The following XKR5 variants were observed in gnomAD, a reference collection of about 807,000 sequenced individuals.
The protein encoded by XKR5 is XK-related protein 5.
Under a neutral mutation model 40.8 loss-of-function variants are expected in XKR5, and 46 were observed. The ratio of observed to expected loss-of-function variants is 1.13; its 90% CI spans 0.89 to 1.44. XKR5 has a LOEUF of 1.44. XKR5 is among the 40% of genes most tolerant of loss of function. The pLI is 0.00. For missense variants in XKR5, 1,169 were observed against 844.7 expected (o/e 1.38, Z -4.76); for synonymous variants, 466 against 356.1 (o/e 1.31, Z -3.48).
Position 6,811,891 on chromosome 8 carries a change from T to C in XKR5, c.1368A>G (p.Pro456=). ...RKALSAQQEL[P]SSSRDPSTLE... ...AGGTTGAGGGGTCACGGGATGAGGA[T>C]GGGAGCTCTTGCTGGGCAGACAAGG... Residue 456 remains proline (P), a synonymous_variant, in exon 7 of 7, where the codon CCA becomes CCG. Transcript: ENST00000618742. The C allele has an allele frequency of 6.5e-7, 1 of 1,537,450 alleles. No homozygotes were observed.
intron 5 of XKR5, among the ~76,000 whole-genome samples, chr8:6,819,885 T>C (rs1264269123): frequency 3.4e-5 from 5 of 145,274 alleles, no homozygotes; most frequent in South Asian, 2.5e-4. Context: ...CCTTCCTTCC[T>C]TCCTTCCTCC....
intron 2 of XKR5, 37 bp from the exon 3 acceptor site, chr8:6,825,386 G>T (rs753763396): frequency 2.0e-6 from 3 of 1,479,204 alleles, no homozygotes; most frequent in Non-Finnish European, 2.7e-6. Context: ...ACGGAGCCAG[G>T]CTGTGGCGAG....
At chr8:6,815,744 A>C (rs1803924275) in intron 6 of XKR5, 63 bp downstream of exon 6, 5 of 1,215,632 alleles carry the variant, frequency 4.1e-6, no homozygotes, top group Middle Eastern at 1.9e-4. Flanking sequence ...CTTTGAGCCC[A>C]TTGTAAAAAA....
chr8:6,816,418 C>T (rs1409318927), intron 5 of XKR5, among the ~76,000 whole-genome samples: 4 of 151,964 alleles, frequency 2.6e-5, no homozygotes, highest in Non-Finnish European at 4.4e-5. Flanking sequence ...AGGTGGCAGC[C>T]GGAGACGGGA....
rs941490012 is a variant in XKR5, at chr8:6,825,292, G to A, written c.300C>T (p.Gly100=). 5 of 1,609,726 alleles carry A rather than the reference G, an allele frequency of 3.1e-6. No homozygotes were observed. Among genetic ancestry groups the A allele is most frequent in the Admixed American group, 3.4e-5 (2 of 58,906 alleles). Residue 100 remains glycine, a synonymous_variant, in exon 3 of 7, where the codon GGC becomes GGT. Coordinates refer to ENST00000618742, the MANE Select transcript of XKR5 (RefSeq NM_207411.5). Reference sequence around the variant, plus strand: ...GGTCGGCCTCCTGCAGCTGCAGCCAGCCTCGGTGGGGAGCCTCCAGTTCCT... The same window carrying A: ...GGTCGGCCTCCTGCAGCTGCAGCCAACCTCGGTGGGGAGCCTCCAGTTCCT... ...LQKELEAPHR[G]WLQLQEADLS...
At chr8:6,828,672 T>C (rs1012708799) in intron 2 of XKR5, among the ~76,000 whole-genome samples, 2 of 152,204 alleles carry the variant, frequency 1.3e-5, no homozygotes, top group African/African-American at 2.4e-5. Flanking sequence ...TTATCAGCAC[T>C]TGCCTGGATT....
At position 6,812,007 on chromosome 8, in the gene XKR5, A is replaced by G. The variant is rs1803731661; in HGVS notation, c.1252T>C (p.Ser418Pro). Residue 418 changes from serine to proline, a missense_variant, in exon 7 of 7, where the codon TCT (serine) becomes CCT (proline). Transcript: ENST00000618742. ...VKLALKTGNV[S>P]KINAAFGDNS... Reference sequence around the variant, plus strand: ...TCTCCAAAGGCGGCATTGATCTTAGACACATTTCCTGTTTTTAGGGCAAGT... The same window carrying G: ...TCTCCAAAGGCGGCATTGATCTTAGGCACATTTCCTGTTTTTAGGGCAAGT... 4.6e-6 allele frequency: 7 copies of G among 1,537,370 alleles called. No individual in the cohort carries two copies. Among genetic ancestry groups the G allele is most frequent in the Non-Finnish European group, 6.1e-6 (7 of 1,146,922 alleles).
At chr8:6,823,146 T>G (rs1804313397) in intron 4 of XKR5, among the ~76,000 whole-genome samples, 1 of 152,208 alleles carries the variant, frequency 6.6e-6, no homozygotes, top group African/African-American at 2.4e-5. Flanking sequence ...CTGCCCTGGA[T>G]GTGTACTCAT....
At position 6,832,879 on chromosome 8, in the gene XKR5, T is replaced by C. The variant is rs760454991; in HGVS notation, c.80A>G (p.Tyr27Cys). Residue 27 changes from tyrosine (Y) to cysteine (C), a missense_variant, in exon 2 of 7, where the codon TAC becomes TGC. Coordinates refer to ENST00000618742, the MANE Select transcript of XKR5 (RefSeq NM_207411.5). The part of the protein sequence containing the change: ...QSARLYTVAY[Y>C]FTTGRLLWGW... Reference sequence around the variant, plus strand: ...CCACAGAAGCCGTCCTGTGGTGAAGTAGTAAGCCACGGTGTAAAGGCCTGG... The same window carrying C: ...CCACAGAAGCCGTCCTGTGGTGAAGCAGTAAGCCACGGTGTAAAGGCCTGG... 9 of 1,601,522 alleles carry C rather than the reference T, an allele frequency of 5.6e-6. No homozygotes were observed. The highest frequency in any genetic ancestry group is 7.7e-6 in the Non-Finnish European group (9 of 1,175,274).
intron 2 of XKR5, 110 bp downstream of exon 2, chr8:6,832,607 C>G: frequency 3.5e-6 from 5 of 1,421,014 alleles, no homozygotes; most frequent in Non-Finnish European, 4.8e-6. Context: ...GAACCTCTTC[C>G]CAATGCTGAA....
Position 6,835,506 on chromosome 8 carries a change from C to G in XKR5, c.-13G>C. On this transcript the variant is annotated 5_prime_UTR_variant, in exon 1 of 7. Coordinates refer to ENST00000618742, the MANE Select transcript of XKR5 (RefSeq NM_207411.5). ...GCCTCGCGTGCATCTTCCGTGCCGA[C>G]CCCGCAGCCTGCGCCCGCCCCTTCC... The G allele has an allele frequency of 6.7e-7, 1 of 1,494,138 alleles. No individual in the cohort carries two copies. The highest frequency in any genetic ancestry group is 8.9e-7 in the Non-Finnish European group (1 of 1,127,818). 92.6% of individuals were successfully genotyped at this position (1,494,138 alleles called of 1,614,324 possible).
intron 2 of XKR5, among the ~76,000 whole-genome samples, chr8:6,826,690 G>C (rs1372665724): frequency 1.3e-5 from 2 of 152,178 alleles, no homozygotes; most frequent in African/African-American, 2.4e-5. Flanking sequence ...TGGATGACCA[G>C]TTGTGGTTGA....
chr8:6,824,759 G>A (rs71525771), intron 3 of XKR5, among the ~76,000 whole-genome samples: 16,552 of 152,178 alleles, frequency 0.11, 1,365 homozygotes, highest in East Asian at 0.3. Flanking sequence ...CTGGGCTCAA[G>A]CAATCCACCC....
At chr8:6,816,022 T>A in intron 5 of XKR5, 104 bp from the exon 6 acceptor site, 1 of 800,044 alleles carries the variant, frequency 1.2e-6, no homozygotes, top group East Asian at 2.7e-5. Flanking sequence ...CCATCCTGAG[T>A]GCCCACTGGA....
chr8:6,816,703 T>C (rs1803974638), intron 5 of XKR5, among the ~76,000 whole-genome samples: 1 of 147,582 alleles, frequency 6.8e-6, no homozygotes, highest in Non-Finnish European at 1.5e-5. Context: ...AATAATTTAA[T>C]TTTATTTAAT....
intron 5 of XKR5, among the ~76,000 whole-genome samples, chr8:6,816,474 C>G (rs901407138): frequency 2.4e-4 from 37 of 152,112 alleles, no homozygotes; most frequent in Admixed American, 1.2e-3. Flanking sequence ...TGCAGCTGGT[C>G]AAAATGGCAG....
At chr8:6,832,024 A>AC (rs1227430288) in intron 2 of XKR5, among the ~76,000 whole-genome samples, 2 of 145,668 alleles carry the variant, frequency 1.4e-5, no homozygotes, top group South Asian at 2.2e-4. Flanking sequence ...CAAAAAAAAA[A>AC]AAAAAAAAAA....
rs746417545 is a variant in XKR5, at chr8:6,811,989, A to C, written c.1270T>G (p.Phe424Val). 1.8e-5 allele frequency: 28 copies of C among 1,537,210 alleles called. No individual in the cohort carries two copies. In the African/African-American group the frequency reaches 3.8e-4, roughly 21 times the overall value. Residue 424 changes from phenylalanine to valine, a missense_variant, in exon 7 of 7, where the codon TTT (phenylalanine) becomes GTT (valine). Phe to Val is a conservative substitution (Grantham distance 50). Transcript: ENST00000618742. ...TGNVSKINAAFGDNSPAYCPP... is the reference protein window; with the variant it reads ...TGNVSKINAAVGDNSPAYCPP... The stretch of plus-strand genomic sequence containing the variant: ...CAATAGGCAGGACTGTTATCTCCAA[A>C]GGCGGCATTGATCTTAGACACATTT...
At chr8:6,820,958 T>C (rs913972291) in intron 5 of XKR5, among the ~76,000 whole-genome samples, 2 of 152,232 alleles carry the variant, frequency 1.3e-5, no homozygotes, top group African/African-American at 4.8e-5. Context: ...TTATGGGTTA[T>C]TTTGTGCCAG....
Sources: gnomAD v4.1 joint callset for allele counts (sites outside exome capture counted in the v4.1 genomes callset) on GRCh38, gnomAD v4.1.1 for gene constraint, MANE v1.5 for transcripts, NCBI Gene and HGNC (gene_info 2026-07-23, HGNC 2026-07-21) for gene names.